The following GPATCH2 variants were observed in gnomAD, a reference collection of about 807,000 sequenced individuals.
GPATCH2 encodes G patch domain-containing protein 2.
In GPATCH2, 51 loss-of-function variants were observed where a neutral mutation model predicts 58.0. That is an observed-to-expected ratio of 0.88 (90% CI 0.70 to 1.11). The LOEUF (loss-of-function observed/expected upper bound fraction) is 1.11, where lower values mean the gene tolerates loss of function less well. Ranked by LOEUF, GPATCH2 falls within the 50% of genes most tolerant of loss-of-function variation. The probability of loss-of-function intolerance (pLI) is 0.00; values close to 1 mark genes in which losing one functional copy is unlikely to be tolerated. For synonymous variants in GPATCH2, 222 were observed against 218.5 expected, an observed-to-expected ratio of 1.02 and a Z score of -0.14; for missense variants, 625 against 652.2, an observed-to-expected ratio of 0.96 and a Z score of 0.45.
At chr1:217,584,782 TA>T (rs1262939380) in intron 5 of GPATCH2, among the ~76,000 whole-genome samples, 2 of 151,686 alleles carry the variant, frequency 1.3e-5, no homozygotes, top group Non-Finnish European at 2.9e-5. Flanking sequence ...GTTAGAAAAA[TA>T]AAAGTATGGA....
intron 5 of GPATCH2, among the ~76,000 whole-genome samples, chr1:217,520,896 A>C (rs1232521911): frequency 6.6e-6 from 1 of 152,194 alleles, no homozygotes; most frequent in African/African-American, 2.4e-5. Flanking sequence ...GAGTACTCAC[A>C]ACTCATAGCT....
Position 217,520,151 on chromosome 1 carries a change from C to T in GPATCH2, c.1099-5262G>A, listed in dbSNP as rs139394132. Among the ~76,000 whole-genome samples, 982 of 152,146 alleles carry T rather than the reference C, an allele frequency of 6.5e-3. 14 individuals carry two copies. Among genetic ancestry groups the T allele is most frequent in the African/African-American group, 0.022 (908 of 41,510 alleles). On this transcript the variant is annotated intron_variant, in intron 5 of 9. Transcript: ENST00000366935. ...AAAAAATTGGTGCATATGAAATATACGCCATAAAAACTAGAACATCTAATG... is the reference window on the plus strand; with the variant it reads ...AAAAAATTGGTGCATATGAAATATATGCCATAAAAACTAGAACATCTAATG...
intron 2 of GPATCH2, among the ~76,000 whole-genome samples, chr1:217,615,229 A>G (rs1055664211): frequency 2.0e-5 from 3 of 152,036 alleles, no homozygotes; most frequent in Admixed American, 2.0e-4. Context: ...ATTCACATAC[A>G]TTTTCTGAAT....
At chr1:217,560,024 T>C (rs1461386974) in intron 5 of GPATCH2, among the ~76,000 whole-genome samples, 1 of 152,160 alleles carries the variant, frequency 6.6e-6, no homozygotes, top group Non-Finnish European at 1.5e-5. Context: ...AATTTTTGTA[T>C]TTTTAGTGGA....
At chr1:217,613,037 C>T (rs945078880) in intron 3 of GPATCH2, among the ~76,000 whole-genome samples, 3 of 151,542 alleles carry the variant, frequency 2.0e-5, no homozygotes, top group Non-Finnish European at 4.4e-5. Context: ...TACTTTTTTT[C>T]ATTTCATTTT....
intron 1 of GPATCH2, among the ~76,000 whole-genome samples, chr1:217,625,650 T>C (rs1669415605): frequency 1.3e-5 from 2 of 152,182 alleles, no homozygotes; most frequent in South Asian, 4.1e-4. Flanking sequence ...AACAAGAGGA[T>C]ATGCATGTGT....
chr1:217,555,636 T>A (rs1222108248), intron 5 of GPATCH2, among the ~76,000 whole-genome samples: 1 of 152,188 alleles, frequency 6.6e-6, no homozygotes, highest in Non-Finnish European at 1.5e-5. Context: ...ATAACTAACA[T>A]AAAGCAACAT....
At chr1:217,558,617 C>G (rs1571916033) in intron 5 of GPATCH2, among the ~76,000 whole-genome samples, 1 of 152,136 alleles carries the variant, frequency 6.6e-6, no homozygotes, top group African/African-American at 2.4e-5. Flanking sequence ...TTCCTATATT[C>G]CACCCCATCA....
chr1:217,554,889 G>A (rs1665545540), intron 5 of GPATCH2, among the ~76,000 whole-genome samples: 1 of 152,080 alleles, frequency 6.6e-6, no homozygotes, highest in Non-Finnish European at 1.5e-5. Flanking sequence ...ACTTTTCCCT[G>A]CAAAATAGTT....
chr1:217,430,868 A>G lies in GPATCH2; in HGVS notation c.*277T>C. ...AAGCATCGGAAAGTATTGACACATG[A>G]GACTAAAATAAATAAGAGAAACGAG... On this transcript the variant is annotated 3_prime_UTR_variant, in exon 10 of 10. Coordinates refer to ENST00000366935, the MANE Select transcript of GPATCH2 (RefSeq NM_018040.5). 1 of 467,476 alleles carries G rather than the reference A, an allele frequency of 2.1e-6. No homozygotes were observed. The highest frequency in any genetic ancestry group is 3.8e-6 in the Non-Finnish European group (1 of 260,270). 29.0% of individuals were successfully genotyped at this position (467,476 alleles called of 1,614,324 possible). A position where few individuals can be genotyped will look rare whatever the true frequency, so the allele number is the denominator to read the frequency against.
intron 5 of GPATCH2, among the ~76,000 whole-genome samples, chr1:217,558,141 T>G (rs980548635): frequency 5.3e-5 from 8 of 152,176 alleles, no homozygotes; most frequent in African/African-American, 1.7e-4. Context: ...AAAAAAATAA[T>G]TAGAAACAGG....
chr1:217,522,901 G>A (rs1485338813), intron 5 of GPATCH2, among the ~76,000 whole-genome samples: 1 of 151,476 alleles, frequency 6.6e-6, no homozygotes, highest in Non-Finnish European at 1.5e-5. Context: ...TGACTTTGGA[G>A]GCAAACACAA....
At chr1:217,584,344 A>AAAAAAAAAAAAAAAAAATATATATAT (rs1463910405) in intron 5 of GPATCH2, among the ~76,000 whole-genome samples, 3 of 101,858 alleles carry the variant, frequency 2.9e-5, no homozygotes, top group Non-Finnish European at 5.9e-5. Context: ...AAAAAAAAAA[A>AAAAAAAAAAAAAAAAAATATATATAT]ATATATATAT....
chr1:217,576,025 T>A (rs1666787898), intron 5 of GPATCH2, among the ~76,000 whole-genome samples: 1 of 152,112 alleles, frequency 6.6e-6, no homozygotes, highest in Admixed American at 6.6e-5. Context: ...TAATCAAGGT[T>A]ATGAACAAAG....
At chr1:217,559,896 G>A (rs1665835653) in intron 5 of GPATCH2, among the ~76,000 whole-genome samples, 4 of 150,856 alleles carry the variant, frequency 2.7e-5, no homozygotes, top group Admixed American at 2.6e-4. Flanking sequence ...GAGAGAGAGA[G>A]AGAGGTCTAT....
chr1:217,609,960 G>C, intron 5 of GPATCH2: 1 of 1,294,508 alleles, frequency 7.7e-7, no homozygotes, highest in Non-Finnish European at 9.8e-7. Context: ...TAAATCCCTA[G>C]AAAGCCTCCC....
chr1:217,529,094 A>G (rs1034625529), intron 5 of GPATCH2, among the ~76,000 whole-genome samples: 1 of 152,172 alleles, frequency 6.6e-6, no homozygotes, highest in South Asian at 2.1e-4. Flanking sequence ...TACCCCCAGG[A>G]CACATAAGCT....
rs1026023736 is a variant in GPATCH2 at position 217,592,195 on chromosome 1, A to G, written c.1098+18126T>C. Among the ~76,000 whole-genome samples the G allele has an allele frequency of 6.6e-5, 10 of 152,014 alleles. 1 individual carries two copies. The highest frequency in any genetic ancestry group is 1.2e-4 in the Non-Finnish European group (8 of 67,868). The stretch of plus-strand genomic sequence containing the variant: ...AGTTATATTTTTTAACTGCTAACTT[A>G]ATCATATGGCATCTTGTATTATAGC... On this transcript the variant is annotated intron_variant, in intron 5 of 9. Coordinates refer to ENST00000366935, the MANE Select transcript of GPATCH2 (RefSeq NM_018040.5).
chr1:217,458,699 C>T (rs1660068914), intron 8 of GPATCH2, among the ~76,000 whole-genome samples: 1 of 152,012 alleles, frequency 6.6e-6, no homozygotes, highest in African/African-American at 2.4e-5. Context: ...CTAATTCTGC[C>T]CTAAAAATTT....
Sources: allele counts gnomAD v4.1 joint callset (sites outside exome capture counted in the v4.1 genomes callset), GRCh38; gene constraint gnomAD v4.1.1; transcripts MANE v1.5; gene names NCBI Gene and HGNC (gene_info 2026-07-23, HGNC 2026-07-21).